The following ARHGDIG variants were observed in gnomAD, a reference collection of about 807,000 sequenced individuals.
The protein encoded by ARHGDIG is rho GDP-dissociation inhibitor 3.
Under a neutral mutation model 20.2 loss-of-function variants are expected in ARHGDIG, and 14 were observed. The observed-to-expected ratio is 0.69, with a 90% CI of 0.46 to 1.08. The LOEUF is 1.08. ARHGDIG is among the 50% of genes least tolerant of loss of function. The pLI is 0.00. For missense variants in ARHGDIG, 311 were observed against 301.8 expected (o/e 1.03, Z -0.23); for synonymous variants, 193 against 138.6 (o/e 1.39, Z -2.76).
chr16:281,712 A>G, intron 1 of ARHGDIG, 34 bp from the exon 2 acceptor site: 4 of 1,530,676 alleles, frequency 2.6e-6, no homozygotes, highest in Non-Finnish European at 3.5e-6. Context: ...AGGGTCCGCT[A>G]GTGGCTGCTG....
At chr16:281,463 G>A (rs366509) in intron 1 of ARHGDIG, 44,207 of 404,170 alleles carry the variant, frequency 0.11, 2,861 homozygotes, top group African/African-American at 0.19. Context: ...TCGCTCCCCC[G>A]CCCTTTGGTC....
Position 281,738 on chromosome 16 carries a change from A to AC in ARHGDIG, c.74-3dup, listed in dbSNP as rs983535415. The stretch of plus-strand genomic sequence containing the variant: ...GTGGCTGCTGCTCACGCCCCTCCCC[A>AC]CCCCCAGTCCTCCTGGCTGACAAGG... On this transcript the variant is annotated splice_region_variant and splice_polypyrimidine_tract_variant and intron_variant, in intron 1 of 5. Transcript: ENST00000219409. The AC allele has an allele frequency of 1.9e-6, 3 of 1,570,642 alleles. No individual in the cohort carries two copies. The highest frequency in any genetic ancestry group is 1.8e-5 in the Admixed American group (1 of 54,338).
Position 282,310 on chromosome 16 carries a change from T to C in ARHGDIG, c.351T>C (p.Val117=). Residue 117 remains valine, a synonymous_variant, in exon 4 of 6, where the codon GTT becomes GTC. Transcript: ENST00000219409. The part of the protein sequence containing the change: ...VVMDLTGDLA[V]LKDQVFVLKE... ...TTTCCCCAATAGGGGACCTGGCTGT[T>C]CTGAAGGACCAGGTGTTTGTCCTGA... is the stretch of plus-strand genomic sequence containing the variant. The C allele has an allele frequency of 6.2e-7, 1 of 1,613,286 alleles. No individual in the cohort carries two copies. Among genetic ancestry groups the C allele is most frequent in the Non-Finnish European group, 8.5e-7 (1 of 1,179,932 alleles).
In ARHGDIG at chr16:282,093, G is replaced by C. The variant is rs148414600; in HGVS notation, c.322G>C (p.Val108Leu). ...GTCGGAACAGGCTCCGGGGCCCGTC[G>C]TCATGGATCTCACAGGTAACTCGCA... Reference protein sequence around the residue: ...LLSEQAPGPVVMDLTGDLAVL... With the variant: ...LLSEQAPGPVLMDLTGDLAVL... Residue 108 changes from valine to leucine, a missense_variant, in exon 3 of 6, where the codon GTC (valine) becomes CTC (leucine). By Grantham distance (32) the Val-to-Leu change is conservative. Coordinates refer to ENST00000219409, the MANE Select transcript of ARHGDIG (RefSeq NM_001176.4). 1.9e-6 allele frequency: 3 copies of C among 1,612,874 alleles called. No individual in the cohort carries two copies. The highest frequency in any genetic ancestry group is 1.7e-6 in the Non-Finnish European group (2 of 1,179,930).
Position 280,696 on chromosome 16 carries a change from G to C in ARHGDIG, c.16G>C (p.Ala6Pro). 1.6e-6 allele frequency: 2 copies of C among 1,229,554 alleles called. No individual in the cohort carries two copies. The highest frequency in any genetic ancestry group is 1.6e-5 in the African/African-American group (1 of 62,066). 76.2% of individuals were successfully genotyped at this position (1,229,554 alleles called of 1,614,324 possible). The change falls in exon 1 of 6, where the codon GCG becomes CCG. Residue 6 changes from alanine (A) to proline (P), a missense_variant. Ala to Pro is a conservative substitution (Grantham distance 27). Transcript: ENST00000219409. This position sits in a 1 kb window ranked among gnomAD's most constrained non-coding sequence, Gnocchi z 6.6. ...GCGCGCCGCCATGCTGGGCCTGGACGCGTGCGAGCTGGGGGCGCAGCTGCT... is the reference window on the plus strand; with the variant it reads ...GCGCGCCGCCATGCTGGGCCTGGACCCGTGCGAGCTGGGGGCGCAGCTGCT... MLGLD[A>P]CELGAQLLEL... is the part of the protein sequence containing the mutation.
At position 282,466 on chromosome 16, in the gene ARHGDIG, G is replaced by C; in HGVS notation, c.415-1G>C. Reference sequence around the variant, plus strand: ...GGAACCCCTAATGCCTCTGTTCCCAGGTCCACAGGGAGATTGTCAGCGGCC... The same window carrying C: ...GGAACCCCTAATGCCTCTGTTCCCACGTCCACAGGGAGATTGTCAGCGGCC... On this transcript the variant is annotated splice_acceptor_variant, in intron 4 of 5. Coordinates refer to ENST00000219409, the MANE Select transcript of ARHGDIG (RefSeq NM_001176.4). LOFTEE classifies it high-confidence loss of function. 6.2e-7 allele frequency: 1 copy of C among 1,611,846 alleles called. No individual in the cohort carries two copies. The highest frequency in any genetic ancestry group is 8.5e-7 in the Non-Finnish European group (1 of 1,179,836).
rs1336205390 is a variant in ARHGDIG, at chr16:281,789, G to A, written c.117G>A (p.Glu39=). The change falls in exon 2 of 6, where the codon GAG becomes GAA. Residue 39 remains glutamate, a synonymous_variant. Transcript: ENST00000219409. ...DKEGGPPAVD[E]VLDEAVPEYR... ...AGGGTGGGCCGCCGGCAGTGGACGA[G>A]GTGTTGGATGAGGCTGTGCCCGAGT... 1 of 1,610,412 alleles carries A rather than the reference G, an allele frequency of 6.2e-7. No individual in the cohort carries two copies. The highest frequency in any genetic ancestry group is 1.7e-5 in the Admixed American group (1 of 59,884).
chr16:282,944 C>T lies in ARHGDIG; in HGVS notation c.*130C>T, dbSNP rs1387915354. 8 of 967,404 alleles carry T rather than the reference C, an allele frequency of 8.3e-6. No individual in the cohort carries two copies. The East Asian group carries it at 1.8e-4, about 22-fold the overall frequency. 59.9% of individuals were successfully genotyped at this position (967,404 alleles called of 1,614,324 possible). ...CTGCCCCTGCTGCCCCTGCTCTGTCCCGGGACCCCCTGGCCTGGCGCTGTC... is the reference window on the plus strand; with the variant it reads ...CTGCCCCTGCTGCCCCTGCTCTGTCTCGGGACCCCCTGGCCTGGCGCTGTC... On this transcript the variant is annotated 3_prime_UTR_variant, in exon 6 of 6. Coordinates refer to ENST00000219409, the MANE Select transcript of ARHGDIG (RefSeq NM_001176.4).
In ARHGDIG at chr16:281,800, A is replaced by C. The variant is rs1885883729; in HGVS notation, c.128A>C (p.Glu43Ala). 1 of 1,611,390 alleles carries C rather than the reference A, an allele frequency of 6.2e-7. No homozygotes were observed. The highest frequency in any genetic ancestry group is 1.7e-5 in the Admixed American group (1 of 59,922). ...GPPAVDEVLD[E>A]AVPEYRAPGR... ...CCGGCAGTGGACGAGGTGTTGGATG[A>C]GGCTGTGCCCGAGTACCGGGCGCCG... The change falls in exon 2 of 6, where the codon GAG becomes GCG. Residue 43 changes from glutamate (E) to alanine (A), a missense_variant. Physicochemically the swap from Glu to Ala is moderately radical, Grantham distance 107. Coordinates refer to ENST00000219409, the MANE Select transcript of ARHGDIG (RefSeq NM_001176.4).
Position 282,996 on chromosome 16 carries a change from C to G in ARHGDIG, c.*182C>G, listed in dbSNP as rs28365939. Reference sequence around the variant, plus strand: ...CCTGAGCTGTCCCATTAAACATGGCCCTGTCTCTCTCGGTGCCCTGGGTGT... The same window carrying G: ...CCTGAGCTGTCCCATTAAACATGGCGCTGTCTCTCTCGGTGCCCTGGGTGT... On this transcript the variant is annotated 3_prime_UTR_variant, in exon 6 of 6. Transcript: ENST00000219409. 0.32 allele frequency: 280,620 copies of G among 889,282 alleles called. 45,993 individuals are homozygous for G. The highest frequency in any genetic ancestry group is 0.47 in the East Asian group (16,682 of 35,710). The allele number at this position is 889,282 out of a possible 1,614,324, so 55.1% of individuals were successfully genotyped here.
In ARHGDIG at chr16:280,869, C is replaced by G; in HGVS notation, c.73+116C>G. 1 of 549,364 alleles carries G rather than the reference C, an allele frequency of 1.8e-6. No individual in the cohort carries two copies. The highest frequency in any genetic ancestry group is 2.5e-6 in the Non-Finnish European group (1 of 403,376). 34.0% of individuals were successfully genotyped at this position (549,364 alleles called of 1,614,324 possible). A position where few individuals can be genotyped will look rare whatever the true frequency, so the allele number is the denominator to read the frequency against. On this transcript the variant is annotated intron_variant, in intron 1 of 5. Transcript: ENST00000219409. The surrounding 1 kb of genome is among the most constrained non-coding windows in gnomAD (Gnocchi z 6.6). ...ATGGGGACCTCGCGGCGCCGACCCC[C>G]CGGCTGGGGTCTGGCAGGGGTGGGG...
In ARHGDIG at chr16:281,759, C is replaced by T; in HGVS notation, c.87C>T (p.Asp29=). Residue 29 remains aspartate (D), a synonymous_variant, in exon 2 of 6, where the codon GAC becomes GAT. Coordinates refer to ENST00000219409, the MANE Select transcript of ARHGDIG (RefSeq NM_001176.4). ...CCCCACCCCCAGTCCTCCTGGCTGA[C>T]AAGGAGGGTGGGCCGCCGGCAGTGG... The part of the protein sequence containing the change: ...LALCARVLLA[D]KEGGPPAVDE... The T allele has an allele frequency of 2.5e-6, 4 of 1,595,814 alleles. No individual in the cohort carries two copies. The highest frequency in any genetic ancestry group is 3.4e-6 in the Non-Finnish European group (4 of 1,171,664).
intron 5 of ARHGDIG, 28 bp downstream of exon 5, chr16:282,558 C>CGGGGGGGGGGGGAAGGGGG (rs61572786): frequency 2.1e-5 from 27 of 1,313,258 alleles, no homozygotes; most frequent in African/African-American, 1.0e-4. Flanking sequence ...GGGAACGGGG[C>CGGGGGGGGGGGGAAGGGGG]GGGGGGGGGA....
intron 1 of ARHGDIG, chr16:281,541 AG>A: frequency 1.8e-6 from 1 of 564,052 alleles, no homozygotes; most frequent in African/African-American, 1.9e-5. Flanking sequence ...CGGTCTCTGG[AG>A]GCCCCTCCTG....
In ARHGDIG at chr16:281,912, G is replaced by C. The variant is rs373658766; in HGVS notation, c.240G>C (p.Leu80=). The change falls in exon 2 of 6, where the codon CTG becomes CTC. Residue 80 remains leucine, a synonymous_variant. Coordinates refer to ENST00000219409, the MANE Select transcript of ARHGDIG (RefSeq NM_001176.4). ...AKYKRVLLGP[L]PPAVDPSLPN... is the part of the protein sequence containing the mutation. Reference sequence around the variant, plus strand: ...ACAAGCGGGTGCTGCTGGGGCCCCTGCCACCGGCCGTGGGTATGGCAGGGG... The same window carrying C: ...ACAAGCGGGTGCTGCTGGGGCCCCTCCCACCGGCCGTGGGTATGGCAGGGG... 1 of 1,605,102 alleles carries C rather than the reference G, an allele frequency of 6.2e-7. No individual in the cohort carries two copies. Among genetic ancestry groups the C allele is most frequent in the Non-Finnish European group, 8.5e-7 (1 of 1,178,294 alleles).
At chr16:281,476 C>T (rs993345582) in intron 1 of ARHGDIG, 2 of 435,040 alleles carry the variant, frequency 4.6e-6, no homozygotes, top group Non-Finnish European at 4.1e-6. Flanking sequence ...CTTTGGTCTC[C>T]GAGTCAGGGA....
Position 282,929 on chromosome 16 carries a change from T to C in ARHGDIG, c.*115T>C. 2.6e-6 allele frequency: 3 copies of C among 1,168,428 alleles called. No homozygotes were observed. In the South Asian group the frequency reaches 4.6e-5, roughly 18 times the overall value. The allele number at this position is 1,168,428 out of a possible 1,614,324, so 72.4% of individuals were successfully genotyped here. ...CCCCTGCTGCCCCTGCTGCCCCTGC[T>C]GCCCCTGCTCTGTCCCGGGACCCCC... is the stretch of plus-strand genomic sequence containing the variant. On this transcript the variant is annotated 3_prime_UTR_variant, in exon 6 of 6. Coordinates refer to ENST00000219409, the MANE Select transcript of ARHGDIG (RefSeq NM_001176.4).
intron 3 of ARHGDIG, 70 bp downstream of exon 3, chr16:282,178 T>A (rs777550189): frequency 1.2e-6 from 2 of 1,607,676 alleles, no homozygotes; most frequent in Non-Finnish European, 1.7e-6. Context: ...ACCCCTGAGT[T>A]CCGAGCCCTG....
In ARHGDIG at chr16:281,817, C is replaced by CG; in HGVS notation, c.148dup (p.Ala50GlyfsTer81). ...GTTGGATGAGGCTGTGCCCGAGTAC[C>CG]GGGCGCCGGGGAGGAAGAGCCTCTT... On this transcript the variant is annotated frameshift_variant, in exon 2 of 6. Transcript: ENST00000219409. LOFTEE classifies it high-confidence loss of function. The CG allele has an allele frequency of 1.9e-6, 3 of 1,611,834 alleles. No homozygotes were observed. Among genetic ancestry groups the CG allele is most frequent in the Non-Finnish European group, 2.5e-6 (3 of 1,179,696 alleles).
Sources: gnomAD v4.1 joint callset for allele counts on GRCh38, gnomAD v4.1.1 for gene constraint, Gnocchi (gnomAD v3.1) non-coding constraint, MANE v1.5 for transcripts, NCBI Gene and HGNC (gene_info 2026-07-23, HGNC 2026-07-21) for gene names.